Variants in CISD1 observed in about 807,000 individuals in gnomAD.
The protein encoded by CISD1 is CDGSH iron-sulfur domain-containing protein 1.
CISD1 carries 8 observed loss-of-function variants against 12.0 expected under a neutral mutation model. The ratio of observed to expected loss-of-function variants is 0.67; its 90% CI spans 0.39 to 1.20. The LOEUF is 1.20. Ranked by LOEUF, CISD1 falls within the 50% of genes most tolerant of loss-of-function variation. The pLI is 0.01. For missense variants in CISD1, 107 were observed against 132.7 expected (o/e 0.81, Z 0.95); for synonymous variants, 38 against 42.2 (o/e 0.90, Z 0.39).
intron 2 of CISD1, among the ~76,000 whole-genome samples, 187 bp downstream of exon 2, chr10:58,277,509 T>A (rs1175090441): frequency 6.6e-6 from 1 of 152,012 alleles, no homozygotes; most frequent in Non-Finnish European, 1.5e-5. Flanking sequence ...AACCTCCACC[T>A]CCCGGTTCAA....
At chr10:58,282,209 G>A (rs1449845417) in intron 2 of CISD1, among the ~76,000 whole-genome samples, 2 of 152,080 alleles carry the variant, frequency 1.3e-5, no homozygotes, top group Non-Finnish European at 2.9e-5. Flanking sequence ...TGATCCACCC[G>A]CCTTGGCCTC....
At chr10:58,271,941 G>A (rs1048210875) in intron 1 of CISD1, among the ~76,000 whole-genome samples, 4 of 151,954 alleles carry the variant, frequency 2.6e-5, no homozygotes, top group Non-Finnish European at 5.9e-5. Context: ...CTGCCTACTC[G>A]TCCAGTCTCT....
intron 1 of CISD1, 26 bp from the exon 2 acceptor site, chr10:58,277,091 T>G: frequency 6.5e-7 from 1 of 1,532,646 alleles, no homozygotes; most frequent in Non-Finnish European, 8.8e-7. Context: ...GTTTTGATAA[T>G]TATTTGTTTT....
At chr10:58,283,939 T>C (rs1476630829) in intron 2 of CISD1, among the ~76,000 whole-genome samples, 1 of 152,240 alleles carries the variant, frequency 6.6e-6, no homozygotes, top group African/African-American at 2.4e-5. Context: ...CTACACGAAC[T>C]GAATTTAATA....
chr10:58,273,356 A>T (rs1375981805), intron 1 of CISD1: 2 of 152,002 alleles, frequency 1.3e-5, no homozygotes, highest in African/African-American at 4.8e-5. Flanking sequence ...CCTATGGGAG[A>T]TCTAAGGGAG....
Position 58,289,075 on chromosome 10 carries a change from G to A in CISD1, c.*1425G>A, listed in dbSNP as rs1259206835. On this transcript the variant is annotated 3_prime_UTR_variant, in exon 3 of 3. Transcript: ENST00000333926. ...AAGCCCATGTAACTAACTTGGACATGTCTTTAAGTCACATATTCATCATAA... is the reference window on the plus strand; with the variant it reads ...AAGCCCATGTAACTAACTTGGACATATCTTTAAGTCACATATTCATCATAA... 1 of 152,204 alleles carries A rather than the reference G, an allele frequency of 6.6e-6. No homozygotes were observed. Among genetic ancestry groups the A allele is most frequent in the Non-Finnish European group, 1.5e-5 (1 of 67,924 alleles). 9.4% of individuals were successfully genotyped at this position (152,204 alleles called of 1,614,324 possible).
Position 58,269,234 on chromosome 10 carries a change from C to T in CISD1, c.-40C>T, listed in dbSNP as rs769319492. 7.9e-5 allele frequency: 126 copies of T among 1,603,118 alleles called. 1 individual carries two copies. The South Asian group carries it at 9.1e-4, about 12-fold the overall frequency. On this transcript the variant is annotated 5_prime_UTR_variant, in exon 1 of 3. Coordinates refer to ENST00000333926, the MANE Select transcript of CISD1 (RefSeq NM_018464.5). ...CGCCGGCCGCGCGAACCCGTTTGAG[C>T]TCGGTATCCTAGTGCACACGCCTTG...
chr10:58,276,382 A>G (rs1173491811), intron 1 of CISD1, among the ~76,000 whole-genome samples: 1 of 151,902 alleles, frequency 6.6e-6, no homozygotes, highest in African/African-American at 2.4e-5. Flanking sequence ...AAATGAGAAT[A>G]TAACTATACT....
At chr10:58,282,643 A>G (rs1398233250) in intron 2 of CISD1, among the ~76,000 whole-genome samples, 2 of 152,230 alleles carry the variant, frequency 1.3e-5, no homozygotes, top group Non-Finnish European at 2.9e-5. Flanking sequence ...CAAAAGGGCT[A>G]TCCATATTTG....
intron 1 of CISD1, among the ~76,000 whole-genome samples, chr10:58,270,233 T>C (rs1321373878): frequency 6.6e-6 from 1 of 152,222 alleles, no homozygotes; most frequent in Non-Finnish European, 1.5e-5. Context: ...TGAGCCCTAA[T>C]TTTTTAATAG....
intron 1 of CISD1, among the ~76,000 whole-genome samples, chr10:58,270,932 T>C (rs1247067298): frequency 7.0e-6 from 1 of 143,272 alleles, no homozygotes; most frequent in Non-Finnish European, 1.5e-5. Context: ...GTTGTGATCA[T>C]AGCTCACTGC....
At chr10:58,271,043 A>ATTTTTTTCTT (rs1554826382) in intron 1 of CISD1, among the ~76,000 whole-genome samples, 11 of 128,764 alleles carry the variant, frequency 8.5e-5, no homozygotes, top group Admixed American at 4.5e-4. Context: ...TGCCATGACT[A>ATTTTTTTCTT]TTTTTTTTTT....
chr10:58,275,445 A>C (rs1380173728), intron 1 of CISD1, among the ~76,000 whole-genome samples: 3 of 152,202 alleles, frequency 2.0e-5, no homozygotes, highest in African/African-American at 7.2e-5. Context: ...AGTTGGAGAT[A>C]AATCTACACA....
At chr10:58,276,065 TG>T (rs1588980623) in intron 1 of CISD1, 1 of 152,242 alleles carries the variant, frequency 6.6e-6, no homozygotes, top group East Asian at 1.9e-4. Flanking sequence ...CAGGAAGTGC[TG>T]GGAAGGAGTC....
chr10:58,282,080 G>A (rs2790185), intron 2 of CISD1, among the ~76,000 whole-genome samples: 51,363 of 151,612 alleles, frequency 0.34, 10,936 homozygotes, highest in African/African-American at 0.61. Flanking sequence ...TCGTGTTTCA[G>A]CCTCCTGAGT....
In CISD1 at chr10:58,287,609, G is replaced by A. The variant is rs1839443132; in HGVS notation, c.286G>A (p.Asp96Asn). ...CACAAAACATAACGAAGAGACTGGA[G>A]ACAATGTGGGCCCTCTGATCATCAA... The part of the protein sequence containing the change: ...AHTKHNEETG[D>N]NVGPLIIKKK... Residue 96 changes from aspartate (D) to asparagine (N), a missense_variant, in exon 3 of 3, where the codon GAC (aspartate) becomes AAC (asparagine). Asp to Asn is a conservative substitution (Grantham distance 23). Coordinates refer to ENST00000333926, the MANE Select transcript of CISD1 (RefSeq NM_018464.5). The A allele has an allele frequency of 6.2e-7, 1 of 1,610,924 alleles. No individual in the cohort carries two copies. Among genetic ancestry groups the A allele is most frequent in the Non-Finnish European group, 8.5e-7 (1 of 1,178,168 alleles).
At position 58,269,235 on chromosome 10, in the gene CISD1, T is replaced by C; in HGVS notation, c.-39T>C. The C allele has an allele frequency of 6.2e-7, 1 of 1,603,950 alleles. No individual in the cohort carries two copies. Among genetic ancestry groups the C allele is most frequent in the Middle Eastern group, 2.0e-4 (1 of 5,116 alleles). On this transcript the variant is annotated 5_prime_UTR_variant, in exon 1 of 3. Transcript: ENST00000333926. ...GCCGGCCGCGCGAACCCGTTTGAGC[T>C]CGGTATCCTAGTGCACACGCCTTGC... is the stretch of plus-strand genomic sequence containing the variant.
At chr10:58,282,606 G>T (rs756554176) in intron 2 of CISD1, among the ~76,000 whole-genome samples, 1 of 152,206 alleles carries the variant, frequency 6.6e-6, no homozygotes, top group Non-Finnish European at 1.5e-5. Flanking sequence ...GGAACCCACA[G>T]ATACAGATGG....
chr10:58,287,586 C>G lies in CISD1; in HGVS notation c.263C>G (p.Thr88Arg). 1 of 1,610,016 alleles carries G rather than the reference C, an allele frequency of 6.2e-7. No homozygotes were observed. The change falls in exon 3 of 3, where the codon ACA becomes AGA. Residue 88 changes from threonine (T) to arginine (R), a missense_variant. Thr to Arg is a moderately conservative substitution (Grantham distance 71, BLOSUM62 -1). Transcript: ENST00000333926. ...KKFPFCDGAH[T>R]KHNEETGDNV... ...TTCCCATTCTGTGATGGGGCTCACA[C>G]AAAACATAACGAAGAGACTGGAGAC...
Sources: gnomAD v4.1 joint callset for allele counts (sites outside exome capture counted in the v4.1 genomes callset) on GRCh38, gnomAD v4.1.1 for gene constraint, MANE v1.5 for transcripts, NCBI Gene and HGNC (gene_info 2026-07-23, HGNC 2026-07-21) for gene names.